OPCML: variants seen among roughly 807,000 people sequenced by gnomAD.
The protein encoded by OPCML is opioid binding protein/cell adhesion molecule like, also known as opioid-binding protein/cell adhesion molecule.
OPCML carries 13 observed loss-of-function variants against 37.8 expected under a neutral mutation model. The observed-to-expected ratio is 0.34, with a 90% CI of 0.22 to 0.55. The LOEUF (loss-of-function observed/expected upper bound fraction) is 0.55, where lower values mean the gene tolerates loss of function less well. OPCML is among the 20% of genes least tolerant of loss of function. The probability of loss-of-function intolerance (pLI) is 0.91; values close to 1 mark genes in which losing one functional copy is unlikely to be tolerated. For missense variants in OPCML, 341 were observed against 435.6 expected (o/e 0.78, Z 1.93); for synonymous variants, 176 against 168.8 (o/e 1.04, Z -0.33).
At chr11:132,763,918 A>G (rs558683656) in intron 2 of OPCML, among the ~76,000 whole-genome samples, 2 of 152,356 alleles carry the variant, frequency 1.3e-5, no homozygotes, top group East Asian at 3.9e-4. Context: ...CTCAATGATA[A>G]ATAAATCAAC....
chr11:133,494,362 C>T (rs2120473954), intron 1 of OPCML, among the ~76,000 whole-genome samples: 1 of 151,736 alleles, frequency 6.6e-6, no homozygotes, highest in East Asian at 1.9e-4. Flanking sequence ...CCAGCCATCC[C>T]ATTACTGGGT....
At chr11:133,154,597 A>T (rs898562626) in intron 1 of OPCML, among the ~76,000 whole-genome samples, 2 of 152,088 alleles carry the variant, frequency 1.3e-5, no homozygotes, top group East Asian at 1.9e-4. Flanking sequence ...AAAAAACAGT[A>T]TCTTAACAAG....
intron 2 of OPCML, among the ~76,000 whole-genome samples, chr11:132,800,268 A>T (rs1938569157): frequency 6.6e-6 from 1 of 152,180 alleles, no homozygotes; most frequent in South Asian, 2.1e-4. Flanking sequence ...TTATCCTGCA[A>T]CCTTGCTTAA....
Position 133,212,395 on chromosome 11 carries a change from A to G in OPCML, c.62-269385T>C, listed in dbSNP as rs1208761125. On this transcript the variant is annotated intron_variant, in intron 1 of 7. Coordinates refer to ENST00000524381, the MANE Select transcript of OPCML (RefSeq NM_001012393.5). The surrounding 1 kb of genome is among the most constrained non-coding windows in gnomAD (Gnocchi z 4.9). ...ACACTGACTACTCTGCTGTTCATCA[A>G]ATACATCAAGAATTTCGTATGCCCT... is the stretch of plus-strand genomic sequence containing the variant. 6.6e-6 allele frequency among the ~76,000 whole-genome samples: 1 copy of G among 152,028 alleles called. No homozygotes were observed. Among genetic ancestry groups the G allele is most frequent in the Non-Finnish European group, 1.5e-5 (1 of 67,992 alleles).
rs78288405 is a variant in OPCML at position 133,336,797 on chromosome 11, G to A, written c.61+195467C>T. The stretch of plus-strand genomic sequence containing the variant: ...CACCCCCATTTGTTATGAAAAGAAT[G>A]AGGACTTCTTCCTCCCCATTTTTGT... On this transcript the variant is annotated intron_variant, in intron 1 of 7. Coordinates refer to ENST00000524381, the MANE Select transcript of OPCML (RefSeq NM_001012393.5). Among the ~76,000 whole-genome samples the A allele has an allele frequency of 4.8e-3, 727 of 152,262 alleles. 4 individuals are homozygous for A. Among genetic ancestry groups the A allele is most frequent in the African/African-American group, 0.016 (646 of 41,558 alleles).
intron 2 of OPCML, among the ~76,000 whole-genome samples, chr11:132,891,866 C>T (rs528584087): frequency 1.3e-5 from 2 of 152,114 alleles, no homozygotes; most frequent in African/African-American, 2.4e-5. Context: ...TGTAAACATC[C>T]TCTCTTCATC....
At chr11:133,343,797 C>T (rs1943931569) in intron 1 of OPCML, among the ~76,000 whole-genome samples, 1 of 152,168 alleles carries the variant, frequency 6.6e-6, no homozygotes, top group Admixed American at 6.5e-5. Flanking sequence ...GGGTTTCTCC[C>T]TTCTCTTCTC....
chr11:132,932,810 A>G (rs1945253300), intron 2 of OPCML, among the ~76,000 whole-genome samples: 1 of 151,726 alleles, frequency 6.6e-6, no homozygotes, highest in Admixed American at 6.6e-5. Flanking sequence ...ATCTTTACAA[A>G]CTTGGTATCA....
Position 132,661,610 on chromosome 11 carries a change from A to G in OPCML, c.147-4291T>C, listed in dbSNP as rs375404224. Among the ~76,000 whole-genome samples, 41 of 152,326 alleles carry G rather than the reference A, an allele frequency of 2.7e-4. 1 individual carries two copies. The highest frequency in any genetic ancestry group is 9.4e-4 in the African/African-American group (39 of 41,572). ...TTTTGAAGTTAAATAAGGGGGAGCC[A>G]AGAGGCAAGTTGAGGAAGGCTAATG... On this transcript the variant is annotated intron_variant, in intron 2 of 7. Coordinates refer to ENST00000524381, the MANE Select transcript of OPCML (RefSeq NM_001012393.5).
At chr11:132,597,236 A>G (rs540042514) in intron 3 of OPCML, among the ~76,000 whole-genome samples, 3 of 152,318 alleles carry the variant, frequency 2.0e-5, no homozygotes, top group South Asian at 2.1e-4. Context: ...TTTAGACTTT[A>G]TTACTACTCC....
intron 2 of OPCML, among the ~76,000 whole-genome samples, chr11:132,880,532 C>T (rs1395637988): frequency 6.6e-6 from 1 of 152,240 alleles, no homozygotes; most frequent in Non-Finnish European, 1.5e-5. Flanking sequence ...GAAAACAAAA[C>T]TGGGCCCAGT....
chr11:132,451,588 G>A (rs1288054370), intron 4 of OPCML, among the ~76,000 whole-genome samples: 1 of 152,098 alleles, frequency 6.6e-6, no homozygotes, highest in Non-Finnish European at 1.5e-5. Flanking sequence ...CTTGACTGGC[G>A]ATTCCATTCC....
At chr11:133,059,906 C>T (rs944140993) in intron 1 of OPCML, among the ~76,000 whole-genome samples, 1 of 152,158 alleles carries the variant, frequency 6.6e-6, no homozygotes, top group Non-Finnish European at 1.5e-5. Context: ...CAAATGTGAG[C>T]TTTCAGGTAA....
intron 7 of OPCML, chr11:132,435,229 A>G (rs1197675292): frequency 7.8e-7 from 1 of 1,289,600 alleles, no homozygotes; most frequent in East Asian, 5.6e-5. Flanking sequence ...CAGAGAGAAA[A>G]CAAAAGACAT....
At chr11:133,499,462 G>T (rs1285014625) in intron 1 of OPCML, among the ~76,000 whole-genome samples, 1 of 152,084 alleles carries the variant, frequency 6.6e-6, no homozygotes, top group African/African-American at 2.4e-5. Flanking sequence ...CTCCCCTCCT[G>T]TGGGGGAGAA....
In OPCML at chr11:132,435,273, T is replaced by A. The variant is rs1360318053; in HGVS notation, c.916+813A>T. 3 of 1,287,432 alleles carry A rather than the reference T, an allele frequency of 2.3e-6. No homozygotes were observed. The African/African-American group carries it at 4.6e-5, about 20-fold the overall frequency. The allele number at this position is 1,287,432 out of a possible 1,614,324, so 79.8% of individuals were successfully genotyped here. On this transcript the variant is annotated intron_variant, in intron 7 of 7. Coordinates refer to ENST00000524381, the MANE Select transcript of OPCML (RefSeq NM_001012393.5). ...CATTTCAGATGGTTGGTGGACAAAG[T>A]TTACTTAATGTCAGTGCTGAAAGCT... is the stretch of plus-strand genomic sequence containing the variant.
At chr11:133,109,182 C>T (rs1015289124) in intron 1 of OPCML, among the ~76,000 whole-genome samples, 15 of 152,108 alleles carry the variant, frequency 9.9e-5, no homozygotes, top group African/African-American at 3.1e-4. Flanking sequence ...CCGGTGGGTT[C>T]GTGGTCTTCC....
chr11:133,530,114 G>A (rs1007486172), intron 1 of OPCML, among the ~76,000 whole-genome samples: 1 of 152,190 alleles, frequency 6.6e-6, no homozygotes, highest in South Asian at 2.1e-4. Flanking sequence ...GGGATAGCTT[G>A]TCATTGTCGT....
At chr11:133,134,616 T>G (rs1949655509) in intron 1 of OPCML, among the ~76,000 whole-genome samples, 1 of 152,172 alleles carries the variant, frequency 6.6e-6, no homozygotes, top group Non-Finnish European at 1.5e-5. Context: ...GGCCATGGGC[T>G]CTCCTCCTGA....
Sources: gnomAD v4.1 joint callset for allele counts (sites outside exome capture counted in the v4.1 genomes callset) on GRCh38, gnomAD v4.1.1 for gene constraint, Gnocchi (gnomAD v3.1) non-coding constraint, MANE v1.5 for transcripts, NCBI Gene and HGNC (gene_info 2026-07-23, HGNC 2026-07-21) for gene names.